FALEC: variants seen among roughly 807,000 people sequenced by gnomAD.
FALEC encodes the protein focally amplified lncRNA regulator of ECM1.
At chr1:150,534,007 C>T in the FALEC span, among the ~76,000 whole-genome samples, 404 of 152,260 alleles carry the variant, frequency 2.7e-3, 2 homozygotes, top group African/African-American at 9.1e-3. Flanking sequence ...ACAAGGATGG[C>T]GTGGGGAGAA....
the FALEC span, among the ~76,000 whole-genome samples, chr1:150,528,699 A>G: frequency 2.0e-5 from 3 of 151,080 alleles, no homozygotes; most frequent in Non-Finnish European, 4.4e-5. Context: ...CTCCTGCCTC[A>G]GCCTCCCGAG....
chr1:150,524,995 GA>G, the FALEC span, among the ~76,000 whole-genome samples: 43,617 of 98,252 alleles, frequency 0.44, 8,095 homozygotes, highest in Non-Finnish European at 0.52. Context: ...ACCCTGTCTT[GA>G]AAAAAAAAAA....
chr1:150,536,000 C>T, the FALEC span, among the ~76,000 whole-genome samples: 1 of 152,184 alleles, frequency 6.6e-6, no homozygotes, highest in Non-Finnish European at 1.5e-5. Flanking sequence ...TAAGGCAAGC[C>T]CTGCTCTTCG....
chr1:150,519,205 C>T (rs1670608704), downstream of FALEC, among the ~76,000 whole-genome samples: 1 of 152,124 alleles, frequency 6.6e-6, no homozygotes, highest in African/African-American at 2.4e-5. Flanking sequence ...CTGATGACGC[C>T]CTCCTCCCGT....
At chr1:150,528,583 AT>A in the FALEC span, among the ~76,000 whole-genome samples, 1,778 of 140,808 alleles carry the variant, frequency 0.013, 18 homozygotes, top group African/African-American at 0.029. Flanking sequence ...ATTACTATTA[AT>A]TTTTTTTTTT....
chr1:150,522,774 G>T (rs1670659854), downstream of FALEC, among the ~76,000 whole-genome samples: 1 of 148,152 alleles, frequency 6.7e-6, no homozygotes, highest in African/African-American at 2.5e-5. Context: ...AAGGATGCAA[G>T]ATATCAATAT....
chr1:150,527,917 T>A, the FALEC span, among the ~76,000 whole-genome samples: 1 of 152,268 alleles, frequency 6.6e-6, no homozygotes, highest in Admixed American at 6.5e-5. Context: ...GCTTGAATTA[T>A]CTAGTCATAT....
At chr1:150,516,728 C>A (rs1670574484) in intron 1 of FALEC, among the ~76,000 whole-genome samples, 1 of 152,184 alleles carries the variant, frequency 6.6e-6, no homozygotes, top group Admixed American at 6.5e-5. Flanking sequence ...TCACAGAATT[C>A]AAGCTTGAGT....
the FALEC span, among the ~76,000 whole-genome samples, chr1:150,526,153 G>A: frequency 6.6e-6 from 1 of 151,870 alleles, no homozygotes; most frequent in African/African-American, 2.4e-5. Context: ...ACGAGGTCAG[G>A]AGATCAAGAC....
the FALEC span, among the ~76,000 whole-genome samples, chr1:150,535,772 CAG>C: frequency 6.6e-6 from 1 of 152,232 alleles, no homozygotes; most frequent in South Asian, 2.1e-4. Flanking sequence ...TAAACAAAAA[CAG>C]AGTGATCCAC....
chr1:150,522,752 A>T (rs1007929659), downstream of FALEC, among the ~76,000 whole-genome samples: 1 of 150,148 alleles, frequency 6.7e-6, no homozygotes, highest in African/African-American at 2.5e-5. Flanking sequence ...TACACAATGG[A>T]TTTCTACAAT....
At chr1:150,523,847 T>C in the FALEC span, among the ~76,000 whole-genome samples, 3 of 151,942 alleles carry the variant, frequency 2.0e-5, no homozygotes, top group Non-Finnish European at 4.4e-5. Context: ...AGATGGGAGC[T>C]TATCCAGAAT....
chr1:150,527,171 C>T, the FALEC span, among the ~76,000 whole-genome samples: 5 of 150,412 alleles, frequency 3.3e-5, no homozygotes, highest in African/African-American at 1.2e-4. Context: ...GAACTCCTGA[C>T]CTCAGGTGAT....
downstream of FALEC, among the ~76,000 whole-genome samples, chr1:150,522,570 C>T (rs1197555682): frequency 6.6e-6 from 1 of 151,228 alleles, no homozygotes; most frequent in Non-Finnish European, 1.5e-5. Flanking sequence ...TTGCCATGAG[C>T]CAAGATGGCG....
At chr1:150,530,665 T>A in the FALEC span, among the ~76,000 whole-genome samples, 1 of 152,284 alleles carries the variant, frequency 6.6e-6, no homozygotes, top group East Asian at 1.9e-4. Context: ...CTTCACACTG[T>A]CTCCAGTGTC....
At chr1:150,519,332 C>G (rs1261190461), downstream of FALEC, among the ~76,000 whole-genome samples, 1 of 152,154 alleles carries the variant, frequency 6.6e-6, no homozygotes, top group Non-Finnish European at 1.5e-5. Flanking sequence ...TTGTAAACAG[C>G]TTTATTGGAT....
At chr1:150,524,238 C>G in the FALEC span, among the ~76,000 whole-genome samples, 1 of 152,152 alleles carries the variant, frequency 6.6e-6, no homozygotes, top group East Asian at 1.9e-4. Flanking sequence ...CAGCCTTGAA[C>G]TCATGGCTTC....
At chr1:150,531,861 G>A in the FALEC span, among the ~76,000 whole-genome samples, 13 of 152,170 alleles carry the variant, frequency 8.5e-5, no homozygotes, top group African/African-American at 2.4e-4. Flanking sequence ...ACTTTCCTCA[G>A]CTATAAAGGT....
chr1:150,527,030 G>T, the FALEC span, among the ~76,000 whole-genome samples: 1 of 150,206 alleles, frequency 6.7e-6, no homozygotes, highest in African/African-American at 2.5e-5. Context: ...CCGCCTCCCG[G>T]GTTCAAGCAA....
Sources: gnomAD v4.1 joint callset for allele counts (sites outside exome capture counted in the v4.1 genomes callset) on GRCh38, gnomAD v4.1.1 for gene constraint, MANE v1.5 for transcripts, NCBI Gene and HGNC (gene_info 2026-07-23, HGNC 2026-07-21) for gene names.